Variants in PREX2 observed in about 807,000 individuals in gnomAD.
PREX2 encodes the protein phosphatidylinositol 3,4,5-trisphosphate-dependent Rac exchanger 2 protein.
A neutral mutation model predicts 203.2 loss-of-function variants in PREX2; 107 were observed. That is an observed-to-expected ratio of 0.53 (90% CI 0.45 to 0.62). The LOEUF is 0.62. Among genes scored for constraint, PREX2 ranks in the 20% least tolerant of loss-of-function variants. PREX2 has a pLI of 0.00. For missense variants in PREX2, 1,777 were observed against 1,955.9 expected (o/e 0.91, Z 1.72); for synonymous variants, 672 against 663.6 (o/e 1.01, Z -0.19).
intron 32 of PREX2, among the ~76,000 whole-genome samples, chr8:68,136,578 G>C (rs1196885569): frequency 2.0e-5 from 3 of 152,144 alleles, no homozygotes; most frequent in African/African-American, 7.2e-5. Flanking sequence ...CTTGCTTTGT[G>C]AATTTCTGTC....
At chr8:68,189,225 G>C (rs954728713) in intron 35 of PREX2, among the ~76,000 whole-genome samples, 1 of 152,188 alleles carries the variant, frequency 6.6e-6, no homozygotes, top group East Asian at 1.9e-4. Flanking sequence ...CCTTTCAGTA[G>C]AACATGAATT....
intron 34 of PREX2, among the ~76,000 whole-genome samples, chr8:68,150,444 C>T (rs1384801138): frequency 6.6e-6 from 1 of 152,188 alleles, no homozygotes; most frequent in African/African-American, 2.4e-5. Flanking sequence ...TGACCAATAC[C>T]TTCATCCCGG....
chr8:68,041,593 A>G (rs960213521), intron 7 of PREX2, among the ~76,000 whole-genome samples: 11 of 152,050 alleles, frequency 7.2e-5, no homozygotes, highest in African/African-American at 2.7e-4. Flanking sequence ...TTTTTACCAC[A>G]TGTGAAAATG....
At chr8:68,191,534 G>T (rs1585854915) in intron 35 of PREX2, among the ~76,000 whole-genome samples, 188 bp from the exon 36 acceptor site, 1 of 152,158 alleles carries the variant, frequency 6.6e-6, no homozygotes, top group East Asian at 1.9e-4. Flanking sequence ...TAATAGACCC[G>T]GTGGTAATTT....
In PREX2 at chr8:68,192,448, A is replaced by T. The variant is rs772988402; in HGVS notation, c.4527A>T (p.Gly1509=). 4 of 1,613,788 alleles carry T rather than the reference A, an allele frequency of 2.5e-6. No homozygotes were observed. In the Admixed American group the frequency reaches 6.7e-5, roughly 27 times the overall value. ...ANTACSASGV[G]LLSVSSELCN... is the part of the protein sequence containing the mutation. ...CAGCTTGCAGTGCTTCTGGGGTTGGACTGCTGTCAGTTTCCTCGGAGCTGT... is the reference window on the plus strand; with the variant it reads ...CAGCTTGCAGTGCTTCTGGGGTTGGTCTGCTGTCAGTTTCCTCGGAGCTGT... The change falls in exon 37 of 40, where the codon GGA becomes GGT. Residue 1509 remains glycine (G), a synonymous_variant. Coordinates refer to ENST00000288368, the MANE Select transcript of PREX2 (RefSeq NM_024870.4).
At chr8:68,031,526 T>C (rs1807881647) in intron 6 of PREX2, among the ~76,000 whole-genome samples, 1 of 152,216 alleles carries the variant, frequency 6.6e-6, no homozygotes, top group African/African-American at 2.4e-5. Flanking sequence ...TATTTTTCAT[T>C]TGGACCTAAA....
intron 34 of PREX2, among the ~76,000 whole-genome samples, chr8:68,154,071 C>G (rs946318584): frequency 1.3e-5 from 2 of 152,190 alleles, no homozygotes; most frequent in African/African-American, 4.8e-5. Context: ...TGGTTTCCCC[C>G]AAGCCCTCTC....
chr8:67,981,910 C>A (rs1806284181), intron 1 of PREX2, among the ~76,000 whole-genome samples: 1 of 152,186 alleles, frequency 6.6e-6, no homozygotes, highest in Non-Finnish European at 1.5e-5. Context: ...TCGCAGCTAT[C>A]AGGGATTGAG....
chr8:68,054,503 G>A (rs1373268456), intron 9 of PREX2, among the ~76,000 whole-genome samples: 2 of 152,106 alleles, frequency 1.3e-5, no homozygotes, highest in African/African-American at 2.4e-5. Context: ...AATGATAATG[G>A]CTCCAGCATT....
chr8:68,019,139 T>C (rs139187860), intron 2 of PREX2, among the ~76,000 whole-genome samples: 78 of 152,364 alleles, frequency 5.1e-4, no homozygotes, highest in African/African-American at 1.8e-3. Context: ...TGGCTCTTCC[T>C]GTAGCTGCAG....
intron 32 of PREX2, among the ~76,000 whole-genome samples, chr8:68,135,848 A>G (rs2129613442): frequency 6.6e-6 from 1 of 152,318 alleles, no homozygotes; most frequent in Non-Finnish European, 1.5e-5. Context: ...TGATGAATGG[A>G]TAAACAAAAT....
intron 24 of PREX2, among the ~76,000 whole-genome samples, chr8:68,108,782 G>A (rs1810471974): frequency 6.6e-6 from 1 of 152,078 alleles, no homozygotes; most frequent in African/African-American, 2.4e-5. Flanking sequence ...CATTGGATCA[G>A]CATTTTATTT....
At chr8:68,105,381 G>T (rs764758711) in intron 23 of PREX2, 15 of 1,356,932 alleles carry the variant, frequency 1.1e-5, no homozygotes, top group South Asian at 4.6e-5. Context: ...CTTTGGAACA[G>T]TTCAGGCACC....
At chr8:67,998,584 T>C (rs923223943) in intron 1 of PREX2, among the ~76,000 whole-genome samples, 3 of 152,074 alleles carry the variant, frequency 2.0e-5, no homozygotes, top group Middle Eastern at 3.2e-3. Context: ...CTGAGCAACA[T>C]AGTGAGACAG....
intron 39 of PREX2, 69 bp from the exon 40 acceptor site, chr8:68,231,264 A>G: frequency 9.0e-7 from 1 of 1,116,224 alleles, no homozygotes. Flanking sequence ...TATTTGTTCT[A>G]CCAATAAAGA....
chr8:67,987,684 C>T (rs904348478), intron 1 of PREX2, among the ~76,000 whole-genome samples: 7 of 152,152 alleles, frequency 4.6e-5, no homozygotes, highest in Admixed American at 3.9e-4. Context: ...TTGCTAGAAG[C>T]GCCTTTTCCC....
At chr8:68,083,714 C>T (rs1359802926) in intron 18 of PREX2, among the ~76,000 whole-genome samples, 1 of 152,100 alleles carries the variant, frequency 6.6e-6, no homozygotes. Context: ...TGTGTTTCTC[C>T]ATGTTCGGCT....
chr8:68,006,425 G>T (rs1252874102), intron 1 of PREX2, among the ~76,000 whole-genome samples: 2 of 152,162 alleles, frequency 1.3e-5, no homozygotes, highest in Non-Finnish European at 2.9e-5. Context: ...GCATTTGGAA[G>T]AAGTCAGTTA....
intron 1 of PREX2, among the ~76,000 whole-genome samples, chr8:67,953,917 C>T (rs1044691077): frequency 6.6e-6 from 1 of 152,166 alleles, no homozygotes; most frequent in Non-Finnish European, 1.5e-5. Flanking sequence ...TTTCATGAAA[C>T]TTTTTTGGTA....
Sources: allele counts gnomAD v4.1 joint callset (sites outside exome capture counted in the v4.1 genomes callset), GRCh38; gene constraint gnomAD v4.1.1; transcripts MANE v1.5; gene names NCBI Gene and HGNC (gene_info 2026-07-23, HGNC 2026-07-21).